Variants in DNAJC6 observed in about 807,000 individuals in gnomAD.
DNAJC6 encodes auxilin.
DNAJC6 carries 34 observed loss-of-function variants against 110.0 expected under a neutral mutation model. The ratio of observed to expected loss-of-function variants is 0.31; its 90% confidence interval spans 0.24 to 0.41. The LOEUF (loss-of-function observed/expected upper bound fraction) is 0.41. DNAJC6 is among the 10% of genes least tolerant of loss of function. The pLI is 1.00. For missense variants in DNAJC6, 1,031 were observed against 1,207.8 expected, an observed-to-expected ratio of 0.85 and a Z score of 2.17; for synonymous variants, 406 against 437.2, an observed-to-expected ratio of 0.93 and a Z score of 0.89.
At chr1:65,384,545 A>G (rs1201011250) in intron 6 of DNAJC6, among the ~76,000 whole-genome samples, 1 of 152,234 alleles carries the variant, frequency 6.6e-6, no homozygotes, top group Non-Finnish European at 1.5e-5. Flanking sequence ...GAAGCCTCAC[A>G]ATCATGGTGG....
intron 1 of DNAJC6, among the ~76,000 whole-genome samples, chr1:65,328,875 G>A (rs147543635): frequency 2.6e-5 from 4 of 152,202 alleles, no homozygotes; most frequent in Non-Finnish European, 5.9e-5. Flanking sequence ...CCTTTGCCCC[G>A]TAACACCTTT....
intron 1 of DNAJC6, among the ~76,000 whole-genome samples, chr1:65,312,610 G>A (rs927159423): frequency 6.6e-6 from 1 of 152,130 alleles, no homozygotes; most frequent in African/African-American, 2.4e-5. Flanking sequence ...TTGACATCTC[G>A]CTACATGATT....
intron 1 of DNAJC6, among the ~76,000 whole-genome samples, chr1:65,357,068 G>A (rs1406716009): frequency 6.6e-6 from 1 of 152,204 alleles, no homozygotes; most frequent in Non-Finnish European, 1.5e-5. Context: ...AATGACACGA[G>A]TTCCTTCCTT....
intron 1 of DNAJC6, among the ~76,000 whole-genome samples, chr1:65,337,716 A>G (rs1184359501): frequency 6.6e-6 from 1 of 152,236 alleles, no homozygotes; most frequent in African/African-American, 2.4e-5. Context: ...TGTAATAGGT[A>G]TTATACATAA....
intron 1 of DNAJC6, among the ~76,000 whole-genome samples, chr1:65,361,143 TC>T (rs1645593069): frequency 6.6e-6 from 1 of 152,230 alleles, no homozygotes; most frequent in East Asian, 1.9e-4. Flanking sequence ...TCTTTGAGCT[TC>T]CATTGCTTCA....
At chr1:65,327,388 A>G (rs1391756054) in intron 1 of DNAJC6, among the ~76,000 whole-genome samples, 1 of 152,210 alleles carries the variant, frequency 6.6e-6, no homozygotes, top group African/African-American at 2.4e-5. Flanking sequence ...AACCATATCT[A>G]TCATGTTTCA....
intron 1 of DNAJC6, among the ~76,000 whole-genome samples, chr1:65,317,127 A>G (rs1234893739): frequency 6.6e-6 from 1 of 152,224 alleles, no homozygotes; most frequent in Non-Finnish European, 1.5e-5. Context: ...CTTTGTGCTA[A>G]CTTAACTGCT....
At chr1:65,409,182 C>G (rs1227402379) in intron 17 of DNAJC6, among the ~76,000 whole-genome samples, 1 of 152,128 alleles carries the variant, frequency 6.6e-6, no homozygotes, top group Non-Finnish European at 1.5e-5. Flanking sequence ...CTCCTAATAC[C>G]ATCACCTCTG....
chr1:65,306,028 A>G (rs1216215288), upstream of DNAJC6, among the ~76,000 whole-genome samples: 1 of 152,040 alleles, frequency 6.6e-6, no homozygotes, highest in East Asian at 1.9e-4. Flanking sequence ...GCCCAAAGTC[A>G]TAGAGCCAGG....
chr1:65,372,683 A>G (rs6588138), intron 4 of DNAJC6, among the ~76,000 whole-genome samples: 100,769 of 151,804 alleles, frequency 0.66, 34,151 homozygotes, highest in African/African-American at 0.82. Context: ...CAAGTAGTAA[A>G]TGGTAAATCC....
At chr1:65,343,638 A>G (rs1645409765) in intron 1 of DNAJC6, among the ~76,000 whole-genome samples, 2 of 152,036 alleles carry the variant, frequency 1.3e-5, no homozygotes, top group African/African-American at 4.8e-5. Context: ...TTTACTTCAT[A>G]ATGGCCCCAA....
At chr1:65,324,506 C>T (rs535524269) in intron 1 of DNAJC6, among the ~76,000 whole-genome samples, 1 of 152,094 alleles carries the variant, frequency 6.6e-6, no homozygotes, top group East Asian at 1.9e-4. Flanking sequence ...TTATAGGCAC[C>T]CACCACCATG....
At chr1:65,315,287 T>TG (rs1645138789) in intron 1 of DNAJC6, among the ~76,000 whole-genome samples, 1 of 126,414 alleles carries the variant, frequency 7.9e-6, no homozygotes, top group Non-Finnish European at 1.5e-5. Flanking sequence ...AGAATAATGT[T>TG]TTTTTTTTTT....
chr1:65,360,156 T>C (rs537378327), intron 1 of DNAJC6, among the ~76,000 whole-genome samples: 2 of 152,348 alleles, frequency 1.3e-5, no homozygotes, highest in Admixed American at 6.5e-5. Flanking sequence ...ATTTGCAGAA[T>C]CTGCACTTTT....
intron 12 of DNAJC6, among the ~76,000 whole-genome samples, chr1:65,393,869 T>C (rs936485279): frequency 3.3e-5 from 5 of 152,090 alleles, no homozygotes; most frequent in East Asian, 1.9e-4. Context: ...TCTTGACTTG[T>C]GATAGTTCAG....
intron 1 of DNAJC6, among the ~76,000 whole-genome samples, chr1:65,296,248 C>G (rs966172695): frequency 2.6e-5 from 4 of 152,204 alleles, no homozygotes; most frequent in African/African-American, 7.2e-5. Context: ...GTTTGTCAGT[C>G]TCCTACTCGG....
intron 1 of DNAJC6, among the ~76,000 whole-genome samples, chr1:65,287,691 C>T (rs1654067927): frequency 1.3e-5 from 2 of 152,112 alleles, no homozygotes; most frequent in Admixed American, 1.3e-4. Context: ...GCAGCCGTGA[C>T]CTCCTGGGCT....
chr1:65,378,847 T>C (rs376128736), intron 4 of DNAJC6, among the ~76,000 whole-genome samples: 3 of 152,314 alleles, frequency 2.0e-5, no homozygotes, highest in South Asian at 2.1e-4. Flanking sequence ...TATAACTTAG[T>C]TGATGATCCA....
At chr1:65,277,078 C>T (rs1012235732) in intron 1 of DNAJC6, among the ~76,000 whole-genome samples, 1 of 152,134 alleles carries the variant, frequency 6.6e-6, no homozygotes, top group Non-Finnish European at 1.5e-5. Context: ...TCTAATTTCC[C>T]TCATCAGAAC....
Sources: allele counts gnomAD v4.1 joint callset (sites outside exome capture counted in the v4.1 genomes callset), GRCh38; gene constraint gnomAD v4.1.1; transcripts MANE v1.5; gene names NCBI Gene and HGNC (gene_info 2026-07-23, HGNC 2026-07-21).